The following ERICH1 variants were observed in gnomAD, a reference collection of about 807,000 sequenced individuals.
The protein encoded by ERICH1 is glutamate rich 1.
A neutral mutation model predicts 39.6 loss-of-function variants in ERICH1; 56 were observed. The ratio of observed to expected loss-of-function variants is 1.41; its 90% CI spans 1.14 to 1.77. The LOEUF is 1.77. Ranked by LOEUF, ERICH1 falls within the 40% of genes most tolerant of loss-of-function variation. ERICH1 has a pLI of 0.00. For missense variants in ERICH1, 826 were observed against 575.4 expected, an observed-to-expected ratio of 1.44 and a Z score of -4.45; for synonymous variants, 313 against 223.6, an observed-to-expected ratio of 1.40 and a Z score of -3.57.
chr8:672,654 C>T (rs1158044523), intron 4 of ERICH1, among the ~76,000 whole-genome samples: 4 of 152,210 alleles, frequency 2.6e-5, no homozygotes, highest in Admixed American at 6.5e-5. Context: ...TATCTCTGTT[C>T]TGGGGCAGCC....
At chr8:687,940 G>A (rs1431102475) in intron 3 of ERICH1, among the ~76,000 whole-genome samples, 2 of 152,116 alleles carry the variant, frequency 1.3e-5, no homozygotes, top group East Asian at 1.9e-4. Context: ...AGGGTCTGAG[G>A]CTCCAAGGAC....
At chr8:693,593 C>T (rs1809448711) in intron 2 of ERICH1, among the ~76,000 whole-genome samples, 1 of 151,918 alleles carries the variant, frequency 6.6e-6, no homozygotes, top group African/African-American at 2.4e-5. Flanking sequence ...TGCTGTGTGC[C>T]CCTCTGCATA....
At chr8:664,704 A>G (rs1276924136) in intron 5 of ERICH1, 28 bp from the exon 6 acceptor site, 13 of 1,560,900 alleles carry the variant, frequency 8.3e-6, no homozygotes, top group Non-Finnish European at 1.1e-5. Context: ...CAAAACAAAA[A>G]ATAAAACAAA....
chr8:664,780 C>A, intron 5 of ERICH1, 104 bp from the exon 6 acceptor site: 1 of 845,310 alleles, frequency 1.2e-6, no homozygotes. Context: ...AGTGAACTCC[C>A]AAATAATCTA....
intron 3 of ERICH1, among the ~76,000 whole-genome samples, chr8:617,386 G>C (rs1405865543): frequency 1.3e-5 from 2 of 152,180 alleles, no homozygotes; most frequent in Non-Finnish European, 2.9e-5. Context: ...ACCGTTCTCA[G>C]CACTGATCAC....
intron 2 of ERICH1, among the ~76,000 whole-genome samples, chr8:698,148 G>A (rs545634853): frequency 8.5e-5 from 13 of 152,252 alleles, no homozygotes; most frequent in African/African-American, 3.1e-4. Flanking sequence ...TACAGCCAAA[G>A]ACAGAACGCT....
At chr8:674,413 G>T (rs929094826) in intron 3 of ERICH1, among the ~76,000 whole-genome samples, 7 of 151,100 alleles carry the variant, frequency 4.6e-5, no homozygotes, top group Non-Finnish European at 1.0e-4. Flanking sequence ...AGTGATTCCG[G>T]TACCACTGCC....
At chr8:616,253 G>T (rs976991119) in intron 3 of ERICH1, 1 of 279,186 alleles carries the variant, frequency 3.6e-6, no homozygotes, top group Non-Finnish European at 7.2e-6. Flanking sequence ...AATGGTGTCT[G>T]AGGCACAGAT....
downstream of ERICH1, among the ~76,000 whole-genome samples, chr8:660,087 T>C (rs1254418126): frequency 2.0e-5 from 3 of 152,082 alleles, no homozygotes; most frequent in Non-Finnish European, 4.4e-5. Context: ...GAGGTGGGGC[T>C]GAGCTCCCGA....
intron 3 of ERICH1, among the ~76,000 whole-genome samples, chr8:631,845 G>A (rs1389639832): frequency 6.6e-6 from 1 of 151,840 alleles, no homozygotes; most frequent in East Asian, 1.9e-4. Context: ...TGCAGGTGCC[G>A]CCCCCCGACC....
intron 2 of ERICH1, among the ~76,000 whole-genome samples, chr8:697,147 C>T (rs1345556767): frequency 6.6e-6 from 1 of 152,196 alleles, no homozygotes; most frequent in Admixed American, 6.5e-5. Flanking sequence ...TTTCCTCTGT[C>T]TTTGAAATGA....
chr8:727,835 C>G (rs1295838349), intron 1 of ERICH1, among the ~76,000 whole-genome samples: 1 of 152,194 alleles, frequency 6.6e-6, no homozygotes, highest in African/African-American at 2.4e-5. Flanking sequence ...AACTGCAGGA[C>G]AAGGAGTCAA....
chr8:632,165 C>A (rs550029069), intron 3 of ERICH1, among the ~76,000 whole-genome samples: 1 of 152,176 alleles, frequency 6.6e-6, no homozygotes, highest in Admixed American at 6.5e-5. Flanking sequence ...GAGGCTGTGA[C>A]TTTTCCTCAG....
intron 3 of ERICH1, among the ~76,000 whole-genome samples, chr8:691,605 A>T (rs985501128): frequency 2.6e-5 from 4 of 152,268 alleles, no homozygotes; most frequent in African/African-American, 4.8e-5. Context: ...CTAGTTAAAT[A>T]ATCTATCTAT....
At chr8:629,588 C>G (rs570083995) in intron 3 of ERICH1, among the ~76,000 whole-genome samples, 2 of 141,712 alleles carry the variant, frequency 1.4e-5, no homozygotes, top group East Asian at 4.1e-4. Context: ...CGGTGACCAC[C>G]CACAGAGACA....
intron 3 of ERICH1, among the ~76,000 whole-genome samples, chr8:690,129 G>A (rs1808577885): frequency 6.6e-6 from 1 of 152,172 alleles, no homozygotes; most frequent in South Asian, 2.1e-4. Flanking sequence ...CTAGAGCCAA[G>A]ACCCATTAAC....
At chr8:681,247 G>A (rs891589322) in intron 3 of ERICH1, among the ~76,000 whole-genome samples, 1 of 152,202 alleles carries the variant, frequency 6.6e-6, no homozygotes. Context: ...CTGAGTCATG[G>A]TGGCTACTCC....
chr8:688,413 C>T (rs946967378), intron 3 of ERICH1, among the ~76,000 whole-genome samples: 3 of 138,906 alleles, frequency 2.2e-5, no homozygotes, highest in African/African-American at 7.7e-5. Flanking sequence ...GGCTCCGCTT[C>T]CCTCCGGCCT....
chr8:696,887 C>G, intron 2 of ERICH1, among the ~76,000 whole-genome samples: 1 of 139,324 alleles, frequency 7.2e-6, no homozygotes, highest in Non-Finnish European at 1.6e-5. Flanking sequence ...TGTGCGCGCT[C>G]CTCACACCCT....
Sources: gnomAD v4.1 joint callset for allele counts (sites outside exome capture counted in the v4.1 genomes callset) on GRCh38, gnomAD v4.1.1 for gene constraint, MANE v1.5 for transcripts, NCBI Gene and HGNC (gene_info 2026-07-23, HGNC 2026-07-21) for gene names.